The following TXNRD2 variants were observed in gnomAD, a reference collection of about 807,000 sequenced individuals.
The protein encoded by TXNRD2 is thioredoxin reductase 2, also known as thioredoxin reductase 2, mitochondrial.
A neutral mutation model predicts 70.8 loss-of-function variants in TXNRD2; 67 were observed. The observed-to-expected ratio is 0.95, with a 90% CI of 0.78 to 1.16. The LOEUF (loss-of-function observed/expected upper bound fraction) is 1.16, where lower values mean the gene tolerates loss of function less well. Among genes scored for constraint, TXNRD2 ranks in the 50% most tolerant of loss-of-function variants. The pLI is 0.00. For missense variants in TXNRD2, 644 were observed against 719.9 expected, an observed-to-expected ratio of 0.89 and a Z score of 1.21; for synonymous variants, 301 against 295.8, an observed-to-expected ratio of 1.02 and a Z score of -0.18.
intron 8 of TXNRD2, among the ~76,000 whole-genome samples, chr22:19,901,728 C>G (rs2036928931): frequency 6.6e-6 from 1 of 152,168 alleles, no homozygotes; most frequent in African/African-American, 2.4e-5. Context: ...CCTACAGACA[C>G]CTTCTTCAGG....
At chr22:19,882,646 A>T (rs1465842048) in intron 12 of TXNRD2, among the ~76,000 whole-genome samples, 1 of 151,806 alleles carries the variant, frequency 6.6e-6, no homozygotes, top group Non-Finnish European at 1.5e-5. Context: ...GCTCTCAGCG[A>T]CCCTCCAGAG....
At chr22:19,919,155 G>A (rs190262092) in intron 3 of TXNRD2, 151 bp from the exon 4 acceptor site, 149 of 620,136 alleles carry the variant, frequency 2.4e-4, no homozygotes, top group Non-Finnish European at 3.6e-4. Flanking sequence ...CTCTATAACT[G>A]TACTCGAAAA....
intron 1 of TXNRD2, among the ~76,000 whole-genome samples, chr22:19,937,666 G>A (rs1941577162): frequency 1.3e-5 from 2 of 152,246 alleles, no homozygotes; most frequent in East Asian, 1.9e-4. Flanking sequence ...CTTGGAGCCT[G>A]CTATAATTGT....
Position 19,884,438 on chromosome 22 carries a change from GC to G in TXNRD2, c.950-978del, listed in dbSNP as rs201941654. ...AATCTTCCGCATGCCCAGGCCTCAG[GC>G]CCTGCTGCAGGGCCACCAGCACAGT... On this transcript the variant is annotated intron_variant, in intron 11 of 17. Coordinates refer to ENST00000400521, the MANE Select transcript of TXNRD2 (RefSeq NM_006440.5). 792 of 152,348 alleles carry G rather than the reference GC, an allele frequency of 5.2e-3. 7 individuals are homozygous for G. Among genetic ancestry groups the G allele is most frequent in the Non-Finnish European group, 8.7e-3 (592 of 68,064 alleles). The allele number at this position is 152,348 out of a possible 1,614,324, so 9.4% of individuals were successfully genotyped here. A position where few individuals can be genotyped will look rare whatever the true frequency, so the allele number is the denominator to read the frequency against.
chr22:19,916,033 G>C, intron 5 of TXNRD2, 190 bp from the exon 6 acceptor site: 1 of 596,368 alleles, frequency 1.7e-6, no homozygotes, highest in Non-Finnish European at 3.0e-6. Context: ...CACCTCGCCT[G>C]TCCCCCAGGG....
intron 11 of TXNRD2, among the ~76,000 whole-genome samples, chr22:19,889,115 C>G (rs1348936076): frequency 6.6e-6 from 1 of 152,116 alleles, no homozygotes; most frequent in Non-Finnish European, 1.5e-5. Flanking sequence ...CCAGGGATGT[C>G]TCATACCCAG....
intron 11 of TXNRD2, among the ~76,000 whole-genome samples, chr22:19,885,591 G>A (rs1223680733): frequency 6.6e-6 from 1 of 152,230 alleles, no homozygotes; most frequent in Non-Finnish European, 1.5e-5. Flanking sequence ...CCCATGGGCA[G>A]GGCTGGGGCA....
intron 8 of TXNRD2, among the ~76,000 whole-genome samples, chr22:19,903,289 T>A (rs1461707360): frequency 2.0e-5 from 3 of 152,228 alleles, no homozygotes; most frequent in African/African-American, 7.2e-5. Flanking sequence ...GTACCTCCGT[T>A]ATCGGACCTG....
At chr22:19,925,202 C>T (rs532222966) in intron 2 of TXNRD2, among the ~76,000 whole-genome samples, 48 of 151,830 alleles carry the variant, frequency 3.2e-4, no homozygotes, top group Middle Eastern at 3.4e-3. Context: ...GAGAATGGCG[C>T]AAACCCGGGA....
intron 8 of TXNRD2, among the ~76,000 whole-genome samples, chr22:19,909,370 G>C (rs1026374532): frequency 5.9e-5 from 9 of 152,010 alleles, no homozygotes; most frequent in African/African-American, 1.9e-4. Context: ...AAACTACTGA[G>C]ATGCTCATTA....
intron 1 of TXNRD2, among the ~76,000 whole-genome samples, chr22:19,937,814 C>T (rs118045892): frequency 6.6e-6 from 1 of 152,320 alleles, no homozygotes; most frequent in East Asian, 1.9e-4. Flanking sequence ...CAAGTACTTG[C>T]CACTCAGTCT....
intron 7 of TXNRD2, among the ~76,000 whole-genome samples, chr22:19,912,784 C>T (rs1940470402): frequency 1.3e-5 from 2 of 152,356 alleles, no homozygotes; most frequent in Admixed American, 6.5e-5. Flanking sequence ...ACAAGTCCCA[C>T]GGCCTCTAAG....
At chr22:19,879,174 G>C (rs1424141765) in intron 14 of TXNRD2, among the ~76,000 whole-genome samples, 1 of 152,210 alleles carries the variant, frequency 6.6e-6, no homozygotes, top group East Asian at 1.9e-4. Flanking sequence ...CAAATAAAGT[G>C]CCTCGGGGAA....
chr22:19,911,352 C>A (rs1292657474), intron 8 of TXNRD2, 25 bp downstream of exon 8: 1 of 1,597,806 alleles, frequency 6.3e-7, no homozygotes, highest in Non-Finnish European at 8.6e-7. Context: ...AAAAGAGGAC[C>A]CCACCAAGCA....
chr22:19,932,334 G>C (rs555384355), intron 1 of TXNRD2: 10 of 1,612,456 alleles, frequency 6.2e-6, no homozygotes, highest in African/African-American at 1.3e-5. Flanking sequence ...ATTCCTTTTG[G>C]GCTGGTTGTG....
chr22:19,915,874 T>G, intron 5 of TXNRD2, 31 bp from the exon 6 acceptor site: 2 of 1,595,138 alleles, frequency 1.3e-6, no homozygotes, highest in South Asian at 2.2e-5. Flanking sequence ...TTTCAAACAC[T>G]TCCTCTGCAA....
chr22:19,935,188 G>A (rs982764618), intron 1 of TXNRD2, among the ~76,000 whole-genome samples: 1 of 152,142 alleles, frequency 6.6e-6, no homozygotes, highest in Non-Finnish European at 1.5e-5. Context: ...TTCCTAGCAA[G>A]GAATATTACT....
At chr22:19,901,215 G>A (rs1164985245) in intron 8 of TXNRD2, among the ~76,000 whole-genome samples, 1 of 152,220 alleles carries the variant, frequency 6.6e-6, no homozygotes, top group Non-Finnish European at 1.5e-5. Flanking sequence ...GGGGGCAGGT[G>A]ACTCTCCAGG....
At chr22:19,921,414 CAAAAAA>C (rs34252435) in intron 2 of TXNRD2, among the ~76,000 whole-genome samples, 1 of 75,388 alleles carries the variant, frequency 1.3e-5, no homozygotes, top group African/African-American at 4.8e-5. Context: ...GACCCTGTCT[CAAAAAA>C]AAAAAAAAAA....
Sources: gnomAD v4.1 joint callset for allele counts (sites outside exome capture counted in the v4.1 genomes callset) on GRCh38, gnomAD v4.1.1 for gene constraint, MANE v1.5 for transcripts, NCBI Gene and HGNC (gene_info 2026-07-23, HGNC 2026-07-21) for gene names.